The following SUMF1 variants were observed in gnomAD, a reference collection of about 807,000 sequenced individuals.
The protein encoded by SUMF1 is formylglycine-generating enzyme.
A neutral mutation model predicts 47.6 loss-of-function variants in SUMF1; 48 were observed. That is an observed-to-expected ratio of 1.01 (90% CI 0.80 to 1.28). SUMF1 has a LOEUF of 1.28. Ranked by LOEUF, SUMF1 falls within the 50% of genes most tolerant of loss-of-function variation. The probability of loss-of-function intolerance (pLI) is 0.00; values close to 1 mark genes in which losing one functional copy is unlikely to be tolerated. For missense variants in SUMF1, 571 were observed against 485.4 expected, an observed-to-expected ratio of 1.18 and a Z score of -1.66; for synonymous variants, 230 against 192.1, an observed-to-expected ratio of 1.20 and a Z score of -1.63.
At chr3:4,247,715 C>T (rs1206033824) in intron 8 of SUMF1, among the ~76,000 whole-genome samples, 5 of 152,066 alleles carry the variant, frequency 3.3e-5, no homozygotes, top group Non-Finnish European at 5.9e-5. Flanking sequence ...CAGTTGAGAA[C>T]CCAAGGAAGA....
In SUMF1 at chr3:4,036,367, C is replaced by T. The variant is rs147097563; in HGVS notation, c.1191+32202G>A. Among the ~76,000 whole-genome samples, 19 of 152,200 alleles carry T rather than the reference C, an allele frequency of 1.2e-4. No individual in the cohort carries two copies. In the East Asian group the frequency reaches 3.7e-3, roughly 29 times the overall value. On this transcript the variant is annotated intron_variant and NMD_transcript_variant, in intron 9 of 12. Coordinates refer to the SUMF1 transcript ENST00000448413. ...GGCTCTGCCTGGGGCAAGAACTCTG[C>T]CCTTCCAGATGTTCAGGGAGAGACC... is the stretch of plus-strand genomic sequence containing the variant.
At chr3:4,312,927 A>G in intron 8 of SUMF1, 2 of 1,613,256 alleles carry the variant, frequency 1.2e-6, no homozygotes, top group East Asian at 2.2e-5. Flanking sequence ...TTGGACCTGG[A>G]GCAGACATTG....
intron 8 of SUMF1, among the ~76,000 whole-genome samples, chr3:4,075,162 T>C (rs1692392266): frequency 6.6e-6 from 1 of 152,088 alleles, no homozygotes; most frequent in Admixed American, 6.6e-5. Flanking sequence ...GTCGGCTTCA[T>C]CCCTGGGATG....
chr3:4,448,541 T>C (rs943192046), intron 3 of SUMF1, among the ~76,000 whole-genome samples: 1 of 152,080 alleles, frequency 6.6e-6, no homozygotes, highest in Admixed American at 6.5e-5. Context: ...CTTCCCAGCT[T>C]ACCCTCACTC....
intron 8 of SUMF1, among the ~76,000 whole-genome samples, chr3:4,266,138 T>C (rs1342672076): frequency 1.3e-5 from 2 of 152,192 alleles, no homozygotes; most frequent in East Asian, 1.9e-4. Context: ...TGTAGCCTTG[T>C]AGTATAGTTT....
At chr3:4,243,970 A>G (rs1312246090) in intron 8 of SUMF1, among the ~76,000 whole-genome samples, 1 of 152,174 alleles carries the variant, frequency 6.6e-6, no homozygotes. Flanking sequence ...TATTTAGGAT[A>G]GTTAGCTCTT....
chr3:4,239,760 A>C (rs1342469157), intron 8 of SUMF1, among the ~76,000 whole-genome samples: 1 of 152,036 alleles, frequency 6.6e-6, no homozygotes, highest in East Asian at 1.9e-4. Flanking sequence ...AATACCCTTT[A>C]TTTCTTTCTC....
chr3:4,240,793 TA>T (rs1453898305), intron 8 of SUMF1, among the ~76,000 whole-genome samples: 3 of 151,880 alleles, frequency 2.0e-5, no homozygotes, highest in Non-Finnish European at 4.4e-5. Context: ...ATATAGAATG[TA>T]GGTTATATTT....
chr3:4,302,959 G>C (rs1379578002), intron 8 of SUMF1, among the ~76,000 whole-genome samples: 1 of 152,178 alleles, frequency 6.6e-6, no homozygotes, highest in African/African-American at 2.4e-5. Flanking sequence ...TCACATGTCA[G>C]TCAACTTCCC....
chr3:4,408,800 GT>G (rs1047205973), intron 7 of SUMF1, among the ~76,000 whole-genome samples: 3 of 151,858 alleles, frequency 2.0e-5, no homozygotes, highest in Non-Finnish European at 4.4e-5. Context: ...GCGAAACCCC[GT>G]TTCTACTAAA....
intron 8 of SUMF1, among the ~76,000 whole-genome samples, chr3:4,283,950 G>C (rs917396294): frequency 6.6e-6 from 1 of 152,114 alleles, no homozygotes. Context: ...TCCCATTCAC[G>C]AGAGATCTGC....
intron 1 of SUMF1, among the ~76,000 whole-genome samples, chr3:4,461,584 C>T (rs1434391989): frequency 6.6e-6 from 1 of 152,020 alleles, no homozygotes; most frequent in Non-Finnish European, 1.5e-5. Context: ...TGAGTACCAA[C>T]AATGCTAATG....
chr3:4,456,276 G>A (rs1349535188), intron 1 of SUMF1, among the ~76,000 whole-genome samples: 2 of 151,988 alleles, frequency 1.3e-5, no homozygotes, highest in East Asian at 1.9e-4. Context: ...GGGAAAAATG[G>A]AAACCTTTGC....
chr3:4,262,262 C>A (rs1372995586), intron 8 of SUMF1, among the ~76,000 whole-genome samples: 1 of 152,104 alleles, frequency 6.6e-6, no homozygotes, highest in East Asian at 1.9e-4. Context: ...ATGGAGAGAG[C>A]TGGGCCTAAC....
chr3:4,211,900 G>A (rs1033629459), intron 8 of SUMF1, among the ~76,000 whole-genome samples: 1 of 152,086 alleles, frequency 6.6e-6, no homozygotes, highest in African/African-American at 2.4e-5. Context: ...TCTGGGCAGG[G>A]CATCTCTGAA....
rs149866314 is a variant in SUMF1, at chr3:4,157,607, T to C, written c.1015-88862A>G. Among the ~76,000 whole-genome samples the C allele has an allele frequency of 1.6e-4, 24 of 151,670 alleles. No homozygotes were observed. In the East Asian group the frequency reaches 3.9e-3, roughly 24 times the overall value. ...AGGTCATCCTGCTGTAATGAGTCCA[T>C]GGATTTCTTCTTCCCTGTGTTCTTC... On this transcript the variant is annotated intron_variant and NMD_transcript_variant, in intron 8 of 12. Transcript: ENST00000448413.
chr3:4,328,441 G>A (rs1698988244), intron 8 of SUMF1, among the ~76,000 whole-genome samples: 1 of 152,078 alleles, frequency 6.6e-6, no homozygotes, highest in Non-Finnish European at 1.5e-5. Flanking sequence ...GTTCCACATG[G>A]CTGGGGAGGC....
chr3:4,362,068 G>A lies in SUMF1; in HGVS notation c.*76C>T, dbSNP rs922642682. On this transcript the variant is annotated 3_prime_UTR_variant, in exon 9 of 9. Coordinates refer to ENST00000272902, the MANE Select transcript of SUMF1 (RefSeq NM_182760.4). ...GGGTGGGAATTCTTTGCATGGGATC[G>A]TTCAAAGTTCTGAGAAAAGCCCAAT... The A allele has an allele frequency of 1.3e-5, 18 of 1,412,392 alleles. No individual in the cohort carries two copies. The highest frequency in any genetic ancestry group is 4.6e-5 in the East Asian group (2 of 43,418). 87.5% of individuals were successfully genotyped at this position (1,412,392 alleles called of 1,614,324 possible).
chr3:4,230,095 C>T (rs1189722613), intron 8 of SUMF1, among the ~76,000 whole-genome samples: 4 of 151,868 alleles, frequency 2.6e-5, no homozygotes, highest in Non-Finnish European at 5.9e-5. Flanking sequence ...AGAAGTTTCC[C>T]TAGAGCATTA....
Sources: allele counts gnomAD v4.1 joint callset (sites outside exome capture counted in the v4.1 genomes callset), GRCh38; gene constraint gnomAD v4.1.1; transcripts MANE v1.5; gene names NCBI Gene and HGNC (gene_info 2026-07-23, HGNC 2026-07-21).